Variants in JADE1 observed in about 807,000 individuals in gnomAD.
The protein encoded by JADE1 is jade family PHD finger 1, also known as protein Jade-1.
A neutral mutation model predicts 81.8 loss-of-function variants in JADE1; 14 were observed. That is an observed-to-expected ratio of 0.17 (90% confidence interval 0.11 to 0.27). The LOEUF is 0.27. Among genes scored for constraint, JADE1 ranks in the 10% least tolerant of loss-of-function variants. JADE1 has a pLI of 1.00. For synonymous variants in JADE1, 353 were observed against 391.9 expected (o/e 0.90, Z 1.17); for missense variants, 690 against 1,047.9 (o/e 0.66, Z 4.71).
Position 128,872,484 on chromosome 4 carries a change from A to C in JADE1, c.*222A>C. The C allele has an allele frequency of 3.7e-6, 2 of 538,246 alleles. No homozygotes were observed. The highest frequency in any genetic ancestry group is 6.0e-5 in the East Asian group (2 of 33,160). 33.3% of individuals were successfully genotyped at this position (538,246 alleles called of 1,614,324 possible). The stretch of plus-strand genomic sequence containing the variant: ...GGAAACAGAAGAGTAGATTGTAACC[A>C]TAAGACACTGCTAAGACTAGAACCC... On this transcript the variant is annotated 3_prime_UTR_variant, in exon 11 of 11. Coordinates refer to ENST00000226319, the MANE Select transcript of JADE1 (RefSeq NM_199320.4).
At chr4:128,820,115 TTTC>T (rs888313878) in intron 1 of JADE1, among the ~76,000 whole-genome samples, 3 of 48,388 alleles carry the variant, frequency 6.2e-5, no homozygotes, top group African/African-American at 1.0e-4. Flanking sequence ...TTTGGGAAGA[TTTC>T]TTTTTTTTTT....
intron 1 of JADE1, among the ~76,000 whole-genome samples, chr4:128,824,576 A>C (rs920971768): frequency 6.6e-6 from 1 of 152,236 alleles, no homozygotes; most frequent in Non-Finnish European, 1.5e-5. Context: ...AAGTGAATAC[A>C]GGAGAAGTTA....
At chr4:128,828,894 C>A (rs76619389) in intron 1 of JADE1, among the ~76,000 whole-genome samples, 3,397 of 152,260 alleles carry the variant, frequency 0.022, 109 homozygotes, top group African/African-American at 0.073. Context: ...GTCCTCCTGC[C>A]CTGGCGTCCC....
intron 1 of JADE1, among the ~76,000 whole-genome samples, chr4:128,811,676 G>C (rs1179349315): frequency 6.8e-6 from 1 of 146,924 alleles, no homozygotes; most frequent in Non-Finnish European, 1.5e-5. Flanking sequence ...GGCCCGCCGC[G>C]CCCGCCCCGC....
intron 10 of JADE1, 56 bp downstream of exon 10, chr4:128,868,029 C>T (rs1731910877): frequency 2.4e-6 from 2 of 826,228 alleles, no homozygotes; most frequent in Non-Finnish European, 2.0e-6. Context: ...TAAGCTTTAA[C>T]ACTGTTGAGG....
chr4:128,858,801 G>C (rs1009958187), intron 8 of JADE1, among the ~76,000 whole-genome samples: 1 of 151,950 alleles, frequency 6.6e-6, no homozygotes, highest in African/African-American at 2.4e-5. Context: ...TAGAGATGGG[G>C]GTTTCACCAT....
intron 2 of JADE1, among the ~76,000 whole-genome samples, chr4:128,841,754 C>T (rs965861364): frequency 2.0e-5 from 3 of 151,950 alleles, no homozygotes; most frequent in African/African-American, 7.3e-5. Context: ...TGAGCACCCC[C>T]GGGGAGAATA....
chr4:128,815,836 T>A (rs2125789213), intron 1 of JADE1, among the ~76,000 whole-genome samples: 1 of 152,244 alleles, frequency 6.6e-6, no homozygotes, highest in Non-Finnish European at 1.5e-5. Flanking sequence ...TCCTGTGAGG[T>A]TTATAAAACA....
At chr4:128,815,400 ATCT>A (rs1439970368) in intron 1 of JADE1, among the ~76,000 whole-genome samples, 1 of 152,188 alleles carries the variant, frequency 6.6e-6, no homozygotes, top group African/African-American at 2.4e-5. Context: ...GTGCCCGGCA[ATCT>A]TAAGTAACTT....
chr4:128,843,097 T>C, intron 3 of JADE1, 59 bp downstream of exon 3: 1 of 1,396,402 alleles, frequency 7.2e-7, no homozygotes, highest in Non-Finnish European at 1.0e-6. Context: ...TATGCCTAGT[T>C]GAGTGGTATC....
chr4:128,815,396 G>A (rs967520845), intron 1 of JADE1, among the ~76,000 whole-genome samples: 7 of 152,284 alleles, frequency 4.6e-5, no homozygotes, highest in Non-Finnish European at 7.3e-5. Flanking sequence ...CACCGTGCCC[G>A]GCAATCTTAA....
Position 128,827,858 on chromosome 4 carries a change from A to G in JADE1, c.-26-3875A>G, listed in dbSNP as rs533754493. On this transcript the variant is annotated intron_variant, in intron 1 of 10. Coordinates refer to ENST00000226319, the MANE Select transcript of JADE1 (RefSeq NM_199320.4). ...GCAATTGGCTATAAGGTGAGAATGGATGTGTATGAAGATGCTACCCAGAGT... is the reference window on the plus strand; with the variant it reads ...GCAATTGGCTATAAGGTGAGAATGGGTGTGTATGAAGATGCTACCCAGAGT... 1.5e-5 allele frequency: 15 copies of G among 985,000 alleles called. No individual in the cohort carries two copies. In the East Asian group the frequency reaches 1.6e-3, roughly 104 times the overall value. The allele number at this position is 985,000 out of a possible 1,614,324, so 61.0% of individuals were successfully genotyped here.
chr4:128,837,837 G>A (rs908134754), intron 2 of JADE1, among the ~76,000 whole-genome samples: 8 of 152,280 alleles, frequency 5.3e-5, no homozygotes, highest in Non-Finnish European at 1.2e-4. Context: ...CAGGATGACC[G>A]CTGTTTGATC....
intron 6 of JADE1, among the ~76,000 whole-genome samples, chr4:128,853,879 C>G (rs1054972485): frequency 1.3e-5 from 2 of 152,172 alleles, no homozygotes; most frequent in Admixed American, 1.3e-4. Context: ...ATAGGGAGAC[C>G]TGCGACTCCT....
chr4:128,810,496 C>T (rs1480025520), intron 1 of JADE1: 1 of 133,428 alleles, frequency 7.5e-6, no homozygotes, highest in Non-Finnish European at 1.5e-5. Context: ...GTGCATTAGG[C>T]TGCATGAAAG....
chr4:128,842,849 G>A lies in JADE1; in HGVS notation c.53-104G>A. On this transcript the variant is annotated intron_variant, in intron 2 of 10. Transcript: ENST00000226319. ...GCATCACAGGTGGTCTCATGGTGCA[G>A]TGCTGAGGTGAGCCTGGGATGAGTT... is the stretch of plus-strand genomic sequence containing the variant. 3 of 901,818 alleles carry A rather than the reference G, an allele frequency of 3.3e-6. No individual in the cohort carries two copies. The South Asian group carries it at 4.1e-5, about 12-fold the overall frequency. 55.9% of individuals were successfully genotyped at this position (901,818 alleles called of 1,614,324 possible). A position where few individuals can be genotyped will look rare whatever the true frequency, so the allele number is the denominator to read the frequency against.
chr4:128,873,397 AAG>A lies in JADE1; in HGVS notation c.*1139_*1140del, dbSNP rs1273239317. The stretch of plus-strand genomic sequence containing the variant: ...TACTATTGACCAAGGTTATACAGGA[AAG>A]AGACTGAAGTGTACCCTTGAATAGG... On this transcript the variant is annotated 3_prime_UTR_variant, in exon 11 of 11. Transcript: ENST00000226319. 6.6e-6 allele frequency: 1 copy of A among 152,666 alleles called. No individual in the cohort carries two copies. Among genetic ancestry groups the A allele is most frequent in the East Asian group, 1.9e-4 (1 of 5,198 alleles). The allele number at this position is 152,666 out of a possible 1,614,324, so 9.5% of individuals were successfully genotyped here.
rs544152051 is a variant in JADE1 at position 128,871,147 on chromosome 4, C to T, written c.1622-208C>T. On this transcript the variant is annotated intron_variant, in intron 10 of 10. Transcript: ENST00000226319. The surrounding 1 kb of genome is among the most constrained non-coding windows in gnomAD (Gnocchi z 4.1). ...GCTTCAGCTGTTTTAGAAAATGTGG[C>T]ATATTGAGTCTGCAGATTGAATGGA... 6.6e-6 allele frequency among the ~76,000 whole-genome samples: 1 copy of T among 152,258 alleles called. No homozygotes were observed. The highest frequency in any genetic ancestry group is 2.4e-5 in the African/African-American group (1 of 41,550).
rs1287252247 is a variant in JADE1, at chr4:128,848,916, G to A, written c.297-64G>A. On this transcript the variant is annotated intron_variant, in intron 4 of 10. Transcript: ENST00000226319. ...GGAAGAGGAAGACATTTGGGGCCTT[G>A]TGGCACACTTCATTGTCTGTGGCTG... 2.6e-6 allele frequency: 4 copies of A among 1,543,428 alleles called. No individual in the cohort carries two copies. In the African/African-American group the frequency reaches 4.1e-5, roughly 16 times the overall value.
Sources: gnomAD v4.1 joint callset for allele counts (sites outside exome capture counted in the v4.1 genomes callset) on GRCh38, gnomAD v4.1.1 for gene constraint, Gnocchi (gnomAD v3.1) non-coding constraint, MANE v1.5 for transcripts, NCBI Gene and HGNC (gene_info 2026-07-23, HGNC 2026-07-21) for gene names.